MICALL1: variants seen among roughly 807,000 people sequenced by gnomAD.
The protein encoded by MICALL1 is MICAL like 1, also known as MICAL-like protein 1.
In MICALL1, 61 loss-of-function variants were observed where a neutral mutation model predicts 83.7. That is an observed-to-expected ratio of 0.73 (90% CI 0.59 to 0.90). MICALL1 has a LOEUF of 0.90. Ranked by LOEUF, MICALL1 falls within the 40% of genes least tolerant of loss-of-function variation. MICALL1 has a pLI of 0.00. For synonymous variants in MICALL1, 481 were observed against 473.6 expected, an observed-to-expected ratio of 1.02 and a Z score of -0.20; for missense variants, 1,066 against 1,152.0, an observed-to-expected ratio of 0.93 and a Z score of 1.08.
chr22:37,922,390 C>G lies in MICALL1; in HGVS notation c.988C>G (p.Leu330Val). 1 of 1,534,604 alleles carries G rather than the reference C, an allele frequency of 6.5e-7. No individual in the cohort carries two copies. Among genetic ancestry groups the G allele is most frequent in the Non-Finnish European group, 8.7e-7 (1 of 1,143,678 alleles). ...CCGCTCCAGTCTGCAGCAGGAGAAC[C>G]TGGTGGAGCAGGCTGGCAGCAGCAG... ...RPRSSLQQEN[L>V]VEQAGSSSLV... Residue 330 changes from leucine (L) to valine (V), a missense_variant, in exon 6 of 16, where the codon CTG becomes GTG. Transcript: ENST00000215957.
chr22:37,921,372 A>G (rs1929019722), intron 5 of MICALL1, among the ~76,000 whole-genome samples: 1 of 152,168 alleles, frequency 6.6e-6, no homozygotes, highest in Admixed American at 6.6e-5. Flanking sequence ...GTTTGAGACC[A>G]GCCTGGCCGA....
In MICALL1 at chr22:37,932,783, G is replaced by GTATC; in HGVS notation, c.2144-13_2144-10dup. 1 of 1,614,000 alleles carries GTATC rather than the reference G, an allele frequency of 6.2e-7. No homozygotes were observed. The highest frequency in any genetic ancestry group is 8.5e-7 in the Non-Finnish European group (1 of 1,179,976). On this transcript the variant is annotated splice_polypyrimidine_tract_variant and intron_variant, in intron 11 of 15. Coordinates refer to ENST00000215957, the MANE Select transcript of MICALL1 (RefSeq NM_033386.4). This position sits in a 1 kb window ranked among gnomAD's most constrained non-coding sequence, Gnocchi z 4.4. ...TGGCAGCCAGCCCTGGCCTCAGTGG[G>GTATC]TATCTGGCTTCCAGAGGGCCGTGAG...
chr22:37,921,231 C>G (rs1015676947), intron 5 of MICALL1, among the ~76,000 whole-genome samples: 1 of 152,194 alleles, frequency 6.6e-6, no homozygotes, highest in African/African-American at 2.4e-5. Context: ...TTTGGCCTTT[C>G]TTGTATGATA....
chr22:37,920,556 C>T (rs186430447), intron 5 of MICALL1, among the ~76,000 whole-genome samples: 13 of 150,996 alleles, frequency 8.6e-5, no homozygotes, highest in African/African-American at 2.4e-4. Context: ...GCTGGAGGAT[C>T]GCTTGAGGCC....
chr22:37,912,294 C>T (rs754669453), intron 2 of MICALL1, 57 bp from the exon 3 acceptor site: 113 of 1,556,652 alleles, frequency 7.3e-5, no homozygotes, highest in Non-Finnish European at 9.2e-5. Context: ...CGCCCCCTAA[C>T]GCCTCCTCCT....
At position 37,919,101 on chromosome 22, in the gene MICALL1, C is replaced by A; in HGVS notation, c.492C>A (p.Cys164Ter). The change falls in exon 5 of 16, where the codon TGC (cysteine) becomes TGA (stop). Residue 164 changes from cysteine (C) to a stop codon, truncating the protein, a stop_gained. Transcript: ENST00000215957. LOFTEE classifies it high-confidence loss of function. Reference protein sequence around the residue: ...QGTGQTPSSTCAACQQHVHLV... With the variant: ...QGTGQTPSST Reference sequence around the variant, plus strand: ...CCGGCCAGACCCCCAGCAGCACGTGCGCAGCCTGCCAGCAGCATGTGCACT... The same window carrying A: ...CCGGCCAGACCCCCAGCAGCACGTGAGCAGCCTGCCAGCAGCATGTGCACT... 2 of 1,551,814 alleles carry A rather than the reference C, an allele frequency of 1.3e-6. No individual in the cohort carries two copies. Among genetic ancestry groups the A allele is most frequent in the South Asian group, 2.4e-5 (2 of 84,162 alleles).
intron 13 of MICALL1, among the ~76,000 whole-genome samples, chr22:37,934,640 A>C (rs1191499627): frequency 6.6e-6 from 1 of 150,922 alleles, no homozygotes; most frequent in East Asian, 1.9e-4. Flanking sequence ...TCTGTCGCCC[A>C]GGCTGGAGTG....
Position 37,932,458 on chromosome 22 carries a change from C to T in MICALL1, c.2017-95C>T, listed in dbSNP as rs1356838652. 4 of 1,552,526 alleles carry T rather than the reference C, an allele frequency of 2.6e-6. No homozygotes were observed. The African/African-American group carries it at 5.4e-5, about 21-fold the overall frequency. On this transcript the variant is annotated intron_variant, in intron 10 of 15. Transcript: ENST00000215957. This position sits in a 1 kb window ranked among gnomAD's most constrained non-coding sequence, Gnocchi z 4.4. ...TGGGGTGGGGGACAGGGCCCGGGCC[C>T]TGGAGCCACCAGTGGCCAATGCTGG... is the stretch of plus-strand genomic sequence containing the variant.
intron 6 of MICALL1, among the ~76,000 whole-genome samples, chr22:37,922,758 C>T (rs1159844438): frequency 2.3e-4 from 32 of 140,916 alleles, no homozygotes; most frequent in African/African-American, 3.4e-4. Flanking sequence ...TACAGGCATG[C>T]GCCACCATGC....
intron 3 of MICALL1, among the ~76,000 whole-genome samples, 162 bp from the exon 4 acceptor site, chr22:37,917,545 G>C (rs9607500): frequency 6.6e-6 from 1 of 152,024 alleles, no homozygotes; most frequent in Non-Finnish European, 1.5e-5. Context: ...AACTGGAAGC[G>C]TCCCCGGGCC....
At position 37,931,971 on chromosome 22, in the gene MICALL1, G is replaced by A. The variant is rs140112588; in HGVS notation, c.2016+38G>A. The A allele has an allele frequency of 5.4e-4, 866 of 1,604,370 alleles. 9 individuals carry two copies. In the African/African-American group the frequency reaches 0.01, roughly 19 times the overall value. On this transcript the variant is annotated intron_variant, in intron 10 of 15. Transcript: ENST00000215957. ...AGCCCCCCGAGACCAGGCTGGCCTG[G>A]GCTGGCAACCCCCACTCTGCAGCTG...
Position 37,922,373 on chromosome 22 carries a change from G to T in MICALL1, c.971G>T (p.Ser324Ile). The part of the protein sequence containing the change: ...PAPPTPRPRS[S>I]LQQENLVEQA... ...CCCCCCACGCCCCGGCCCCGCTCCA[G>T]TCTGCAGCAGGAGAACCTGGTGGAG... is the stretch of plus-strand genomic sequence containing the variant. Residue 324 changes from serine to isoleucine, a missense_variant, in exon 6 of 16, where the codon AGT becomes ATT. By Grantham distance (142) the Ser-to-Ile change is moderately radical. Transcript: ENST00000215957. The T allele has an allele frequency of 6.5e-7, 1 of 1,534,260 alleles. No homozygotes were observed.
At position 37,924,810 on chromosome 22, in the gene MICALL1, T is replaced by A; in HGVS notation, c.1082+93T>A. 1 of 1,306,594 alleles carries A rather than the reference T, an allele frequency of 7.7e-7. No individual in the cohort carries two copies. The highest frequency in any genetic ancestry group is 1.1e-6 in the Non-Finnish European group (1 of 926,554). 80.9% of individuals were successfully genotyped at this position (1,306,594 alleles called of 1,614,324 possible). On this transcript the variant is annotated intron_variant, in intron 7 of 15. Transcript: ENST00000215957. This position sits in a 1 kb window ranked among gnomAD's most constrained non-coding sequence, Gnocchi z 5.2. ...GCCGGGTAGGGAGAGAGGCTTCCTG[T>A]GGATGGGCAGGGCGGGGCTCAGGAG...
At chr22:37,935,852 C>T (rs1040272370) in intron 13 of MICALL1, among the ~76,000 whole-genome samples, 8 of 151,990 alleles carry the variant, frequency 5.3e-5, no homozygotes, top group African/African-American at 1.7e-4. Flanking sequence ...GCCTCAGCCT[C>T]CCTAGTAGCT....
Position 37,932,661 on chromosome 22 carries a change from C to T in MICALL1, c.2125C>T (p.Leu709=). 6.2e-7 allele frequency: 1 copy of T among 1,613,976 alleles called. No individual in the cohort carries two copies. Among genetic ancestry groups the T allele is most frequent in the East Asian group, 2.2e-5 (1 of 44,874 alleles). Residue 709 remains leucine (L), a synonymous_variant, in exon 11 of 16, where the codon CTG becomes TTG. Coordinates refer to ENST00000215957, the MANE Select transcript of MICALL1 (RefSeq NM_033386.4). The surrounding 1 kb of genome is among the most constrained non-coding windows in gnomAD (Gnocchi z 4.4). The stretch of plus-strand genomic sequence containing the variant: ...CCGTGGGGTGCTGCTGGAGGAGAAG[C>T]TGCGTGGCGGCCTGAATGGTGCGGG... The part of the protein sequence containing the change: ...EHRGVLLEEK[L]RGGLNEGRED...
chr22:37,917,565 C>A, intron 3 of MICALL1, 142 bp from the exon 4 acceptor site: 2 of 693,044 alleles, frequency 2.9e-6, no homozygotes, highest in Non-Finnish European at 4.9e-6. Context: ...CCGTGTGAAG[C>A]GGGAGCCAGC....
chr22:37,937,435 T>TTTC (rs1930195989), intron 14 of MICALL1, among the ~76,000 whole-genome samples: 3 of 150,664 alleles, frequency 2.0e-5, no homozygotes, highest in Middle Eastern at 3.4e-3. Context: ...TTTTTTTTTT[T>TTTC]TTTTTGAGAC....
chr22:37,919,012 C>G, intron 4 of MICALL1, 24 bp from the exon 5 acceptor site: 2 of 1,528,310 alleles, frequency 1.3e-6, no homozygotes, highest in Non-Finnish European at 1.8e-6. Flanking sequence ...CTGCTCCCAA[C>G]CTCCCCCACC....
intron 6 of MICALL1, among the ~76,000 whole-genome samples, chr22:37,922,908 G>C (rs1182774904): frequency 6.7e-6 from 1 of 149,872 alleles, no homozygotes; most frequent in Non-Finnish European, 1.5e-5. Flanking sequence ...AAAGTGCTGG[G>C]ATTACAGGCG....
Sources: gnomAD v4.1 joint callset for allele counts (sites outside exome capture counted in the v4.1 genomes callset) on GRCh38, gnomAD v4.1.1 for gene constraint, Gnocchi (gnomAD v3.1) non-coding constraint, MANE v1.5 for transcripts, NCBI Gene and HGNC (gene_info 2026-07-23, HGNC 2026-07-21) for gene names.